The following HOOK3 variants were observed in gnomAD, a reference collection of about 807,000 sequenced individuals.
HOOK3 encodes the protein hook microtubule tethering protein 3.
In HOOK3, 24 loss-of-function variants were observed where a neutral mutation model predicts 116.3. The observed-to-expected ratio is 0.21, with a 90% CI of 0.15 to 0.29. The LOEUF (loss-of-function observed/expected upper bound fraction) is 0.29. HOOK3 is among the 10% of genes least tolerant of loss of function. The pLI, the probability that HOOK3 is intolerant of heterozygous loss-of-function variation, is 1.00. For missense variants in HOOK3, 632 were observed against 830.2 expected, an observed-to-expected ratio of 0.76 and a Z score of 2.93; for synonymous variants, 275 against 283.0, an observed-to-expected ratio of 0.97 and a Z score of 0.28.
At chr8:42,940,782 T>A (rs1240538724) in intron 4 of HOOK3, among the ~76,000 whole-genome samples, 1 of 152,196 alleles carries the variant, frequency 6.6e-6, no homozygotes, top group Non-Finnish European at 1.5e-5. Flanking sequence ...TTTCCTGAAT[T>A]TGAACGTTGG....
At chr8:42,910,489 G>A (rs771629817) in intron 2 of HOOK3, among the ~76,000 whole-genome samples, 3 of 152,018 alleles carry the variant, frequency 2.0e-5, no homozygotes, top group Admixed American at 1.3e-4. Context: ...CCAGCTCCTC[G>A]CTACTCAATA....
At chr8:42,922,478 G>C (rs139493584) in intron 2 of HOOK3, among the ~76,000 whole-genome samples, 2 of 152,226 alleles carry the variant, frequency 1.3e-5, no homozygotes, top group Non-Finnish European at 2.9e-5. Flanking sequence ...TTGAGCCCAG[G>C]AATACAAGTA....
At chr8:42,929,008 C>T (rs545452803) in intron 3 of HOOK3, among the ~76,000 whole-genome samples, 30 of 152,236 alleles carry the variant, frequency 2.0e-4, no homozygotes, top group African/African-American at 6.7e-4. Flanking sequence ...CGCCATTGCA[C>T]TCCAGCCTGC....
chr8:42,928,653 G>C (rs1807816410), intron 3 of HOOK3, among the ~76,000 whole-genome samples: 1 of 152,102 alleles, frequency 6.6e-6, no homozygotes, highest in African/African-American at 2.4e-5. Flanking sequence ...ATGGAGATGG[G>C]TAGAAAAGTT....
chr8:42,976,383 G>T (rs1808829761), intron 13 of HOOK3, among the ~76,000 whole-genome samples: 1 of 152,088 alleles, frequency 6.6e-6, no homozygotes, highest in South Asian at 2.1e-4. Context: ...GGTGGTGTGT[G>T]CCTGTGGGCC....
At chr8:42,973,590 A>G (rs1328862167) in intron 12 of HOOK3, among the ~76,000 whole-genome samples, 191 bp downstream of exon 12, 2 of 152,188 alleles carry the variant, frequency 1.3e-5, no homozygotes, top group Non-Finnish European at 2.9e-5. Context: ...ATATTTTTAT[A>G]ATACTTCCAT....
rs1563308067 is a variant in HOOK3, at chr8:42,986,579, A to G, written c.1392-76A>G. On this transcript the variant is annotated intron_variant, in intron 14 of 21. Transcript: ENST00000307602. ...TAAATTTGTAAGAGTGCTTAGCTGGATTTGATACCTGTGTTGTATATTAAT... is the reference window on the plus strand; with the variant it reads ...TAAATTTGTAAGAGTGCTTAGCTGGGTTTGATACCTGTGTTGTATATTAAT... 5 of 1,131,850 alleles carry G rather than the reference A, an allele frequency of 4.4e-6. No individual in the cohort carries two copies. The African/African-American group carries it at 8.1e-5, about 18-fold the overall frequency. The allele number at this position is 1,131,850 out of a possible 1,614,324, so 70.1% of individuals were successfully genotyped here.
chr8:42,899,440 T>C (rs557823298), intron 1 of HOOK3, among the ~76,000 whole-genome samples: 18 of 152,206 alleles, frequency 1.2e-4, no homozygotes, highest in Non-Finnish European at 2.5e-4. Flanking sequence ...TTGGAAACAC[T>C]TTAAAAGACA....
At chr8:42,925,216 G>A (rs969774409) in intron 2 of HOOK3, among the ~76,000 whole-genome samples, 26 of 151,996 alleles carry the variant, frequency 1.7e-4, no homozygotes, top group African/African-American at 6.3e-4. Flanking sequence ...TCCCACCTCA[G>A]CCTCCTCAGT....
chr8:42,927,866 G>C (rs970267653), intron 3 of HOOK3, among the ~76,000 whole-genome samples: 1 of 152,230 alleles, frequency 6.6e-6, no homozygotes, highest in African/African-American at 2.4e-5. Flanking sequence ...AACCTGGCAG[G>C]CCAGGCGTGG....
intron 13 of HOOK3, among the ~76,000 whole-genome samples, 193 bp downstream of exon 13, chr8:42,974,387 C>T (rs1054389224): frequency 2.0e-5 from 3 of 152,132 alleles, no homozygotes; most frequent in Admixed American, 1.3e-4. Context: ...ATTACAGCCA[C>T]ACCACCACGC....
chr8:42,992,951 G>C (rs183045392), intron 15 of HOOK3, among the ~76,000 whole-genome samples: 1 of 151,944 alleles, frequency 6.6e-6, no homozygotes, highest in Non-Finnish European at 1.5e-5. Context: ...TGGGTCTCTC[G>C]TATGTAACTT....
rs545356508 is a variant in HOOK3, at chr8:43,022,627, T to C, written c.*4129T>C. ...TAGTGTATAATATCTGAAAAGAGAA[T>C]CAAGTATACAATTGTACATATTTTT... On this transcript the variant is annotated 3_prime_UTR_variant, in exon 22 of 22. Coordinates refer to ENST00000307602, the MANE Select transcript of HOOK3 (RefSeq NM_032410.4). 4.4e-4 allele frequency: 81 copies of C among 184,314 alleles called. No individual in the cohort carries two copies. Among genetic ancestry groups the C allele is most frequent in the African/African-American group, 1.9e-3 (79 of 42,676 alleles). 11.4% of individuals were successfully genotyped at this position (184,314 alleles called of 1,614,324 possible). A position where few individuals can be genotyped will look rare whatever the true frequency, so the allele number is the denominator to read the frequency against.
At chr8:42,950,135 A>G (rs369866836) in intron 5 of HOOK3, among the ~76,000 whole-genome samples, 2 of 152,310 alleles carry the variant, frequency 1.3e-5, no homozygotes, top group South Asian at 2.1e-4. Context: ...ACTCATGCCA[A>G]TATTCCATTC....
intron 2 of HOOK3, among the ~76,000 whole-genome samples, chr8:42,917,863 TA>T (rs1195853226): frequency 3.3e-5 from 5 of 152,222 alleles, no homozygotes; most frequent in African/African-American, 1.2e-4. Flanking sequence ...GGGCTTAGTG[TA>T]AATTCATTAT....
intron 4 of HOOK3, among the ~76,000 whole-genome samples, chr8:42,940,474 AAG>A (rs1233467054): frequency 6.6e-6 from 1 of 152,096 alleles, no homozygotes; most frequent in Non-Finnish European, 1.5e-5. Context: ...AGACCGTGGA[AAG>A]AGAGGGAGAG....
At chr8:42,913,439 T>C (rs1445432213) in intron 2 of HOOK3, among the ~76,000 whole-genome samples, 1 of 152,208 alleles carries the variant, frequency 6.6e-6, no homozygotes, top group Non-Finnish European at 1.5e-5. Flanking sequence ...TTGTGATTCA[T>C]TCATGTTGTT....
chr8:42,902,615 C>A (rs1260572333), intron 1 of HOOK3, among the ~76,000 whole-genome samples: 1 of 152,122 alleles, frequency 6.6e-6, no homozygotes, highest in Non-Finnish European at 1.5e-5. Flanking sequence ...CCCCTACACA[C>A]CAGGTTTGGG....
Position 42,942,904 on chromosome 8 carries a change from T to G in HOOK3, c.268-409T>G, listed in dbSNP as rs13249833. Among the ~76,000 whole-genome samples the G allele has an allele frequency of 6.8e-3, 1,035 of 152,218 alleles. 10 individuals are homozygous for G. The highest frequency in any genetic ancestry group is 0.011 in the Non-Finnish European group (778 of 67,970). The stretch of plus-strand genomic sequence containing the variant: ...ACGTAGGTATTTTGCTGCCGGTGTT[T>G]TGGGAATCAAGTGGGAATCAAGGTG... On this transcript the variant is annotated intron_variant, in intron 4 of 21. Coordinates refer to ENST00000307602, the MANE Select transcript of HOOK3 (RefSeq NM_032410.4).
Sources: allele counts gnomAD v4.1 joint callset (sites outside exome capture counted in the v4.1 genomes callset), GRCh38; gene constraint gnomAD v4.1.1; transcripts MANE v1.5; gene names NCBI Gene and HGNC (gene_info 2026-07-23, HGNC 2026-07-21).